LSAMP: variants seen among roughly 807,000 people sequenced by gnomAD.
LSAMP encodes limbic system-associated membrane protein.
A neutral mutation model predicts 38.6 loss-of-function variants in LSAMP; 7 were observed. The ratio of observed to expected loss-of-function variants is 0.18; its 90% CI spans 0.10 to 0.34. LSAMP has a LOEUF of 0.34. Among genes scored for constraint, LSAMP ranks in the 10% least tolerant of loss-of-function variants. LSAMP has a pLI of 1.00. For synonymous variants in LSAMP, 154 were observed against 166.8 expected (o/e 0.92, Z 0.59); for missense variants, 313 against 420.0 (o/e 0.75, Z 2.23).
At chr3:115,985,980 A>C (rs1166550301) in intron 3 of LSAMP, among the ~76,000 whole-genome samples, 3 of 152,166 alleles carry the variant, frequency 2.0e-5, no homozygotes, top group Non-Finnish European at 2.9e-5. Flanking sequence ...TTTGTTACCC[A>C]ACAATATATA....
At chr3:116,379,555 A>G (rs935680918) in intron 1 of LSAMP, among the ~76,000 whole-genome samples, 2 of 152,182 alleles carry the variant, frequency 1.3e-5, no homozygotes, top group South Asian at 4.1e-4. Context: ...GATCTGACCT[A>G]TATTTCTGGA....
intron 3 of LSAMP, among the ~76,000 whole-genome samples, chr3:116,004,024 A>G (rs1290412246): frequency 1.3e-5 from 2 of 152,192 alleles, no homozygotes; most frequent in African/African-American, 2.4e-5. Flanking sequence ...TTTGGCAAAC[A>G]TTACTGAGAA....
intron 1 of LSAMP, among the ~76,000 whole-genome samples, chr3:116,253,227 A>G (rs1410199143): frequency 1.1e-4 from 1 of 8,742 alleles, no homozygotes; most frequent in Non-Finnish European, 5.4e-4. Flanking sequence ...ATAAATACAG[A>G]AAAAAAAACC....
At chr3:116,081,930 G>A (rs1474333758) in intron 2 of LSAMP, among the ~76,000 whole-genome samples, 1 of 152,078 alleles carries the variant, frequency 6.6e-6, no homozygotes, top group Non-Finnish European at 1.5e-5. Flanking sequence ...ATAAAAATGG[G>A]AGCAAAAGAT....
chr3:116,124,978 A>T (rs565376199), intron 1 of LSAMP, among the ~76,000 whole-genome samples: 1 of 152,234 alleles, frequency 6.6e-6, no homozygotes, highest in African/African-American at 2.4e-5. Context: ...GAATGTCGAG[A>T]TCTTGGGTTT....
At chr3:116,162,620 T>C (rs897182044) in intron 1 of LSAMP, among the ~76,000 whole-genome samples, 2 of 151,620 alleles carry the variant, frequency 1.3e-5, no homozygotes, top group Non-Finnish European at 1.5e-5. Context: ...ATGTTTTATA[T>C]GTGCGTGTGA....
At chr3:116,166,234 C>T (rs781697766) in intron 1 of LSAMP, among the ~76,000 whole-genome samples, 13 of 152,208 alleles carry the variant, frequency 8.5e-5, no homozygotes, top group Non-Finnish European at 1.6e-4. Context: ...CTCACAACTG[C>T]TCTCTCTCTA....
chr3:116,054,795 C>T (rs1467556752), intron 2 of LSAMP, among the ~76,000 whole-genome samples: 1 of 152,136 alleles, frequency 6.6e-6, no homozygotes, highest in Non-Finnish European at 1.5e-5. Flanking sequence ...CTGACATTTA[C>T]AGTCACATTT....
chr3:116,120,263 G>A (rs2107486401), intron 1 of LSAMP, among the ~76,000 whole-genome samples: 1 of 152,318 alleles, frequency 6.6e-6, no homozygotes, highest in South Asian at 2.1e-4. Flanking sequence ...AATGATGGTG[G>A]TGGTGGGAGG....
chr3:116,293,423 G>GAAAC (rs1175704836), intron 1 of LSAMP, among the ~76,000 whole-genome samples: 1 of 152,020 alleles, frequency 6.6e-6, no homozygotes, highest in African/African-American at 2.4e-5. Context: ...TTAAAGGTGA[G>GAAAC]AAACAAAGTA....
At chr3:116,242,877 A>C (rs144557187) in intron 1 of LSAMP, among the ~76,000 whole-genome samples, 1 of 152,318 alleles carries the variant, frequency 6.6e-6, no homozygotes, top group African/African-American at 2.4e-5. Context: ...TCAAATATGG[A>C]TTAAAATATT....
Position 116,273,177 on chromosome 3 carries a change from G to C in LSAMP, c.155+171700C>G, listed in dbSNP as rs149099759. 1.1e-4 allele frequency among the ~76,000 whole-genome samples: 16 copies of C among 152,176 alleles called. No individual in the cohort carries two copies. The East Asian group carries it at 3.1e-3, about 30-fold the overall frequency. ...GACCTACTACACCAGCCAAACTGCT[G>C]TCCCTATCAATCCTATCTCCACCTC... On this transcript the variant is annotated intron_variant, in intron 1 of 6. Transcript: ENST00000490035.
At chr3:115,849,958 C>G (rs1416687224) in intron 4 of LSAMP, among the ~76,000 whole-genome samples, 2 of 152,140 alleles carry the variant, frequency 1.3e-5, no homozygotes, top group African/African-American at 4.8e-5. Flanking sequence ...TTATTCAATA[C>G]ACATTTACTG....
intron 3 of LSAMP, among the ~76,000 whole-genome samples, chr3:116,003,545 C>G (rs575949027): frequency 6.6e-6 from 1 of 152,196 alleles, no homozygotes; most frequent in South Asian, 2.1e-4. Context: ...AAGATATATA[C>G]AAGTCCTTAC....
chr3:116,445,394 T>G lies in LSAMP; in HGVS notation c.-363A>C. On this transcript the variant is annotated 5_prime_UTR_variant, in exon 1 of 7. Transcript: ENST00000490035. ...CTGCCAGTGTCTGAGCTGAGCTCCT[T>G]CGCTCTGTAACCCACTTTCCCAGGC... 3 of 450,968 alleles carry G rather than the reference T, an allele frequency of 6.7e-6. No individual in the cohort carries two copies. The highest frequency in any genetic ancestry group is 3.5e-5 in the East Asian group (1 of 28,706). The allele number at this position is 450,968 out of a possible 1,614,324, so 27.9% of individuals were successfully genotyped here.
chr3:116,314,380 A>T (rs1028268495), intron 1 of LSAMP, among the ~76,000 whole-genome samples: 1 of 152,370 alleles, frequency 6.6e-6, no homozygotes, highest in East Asian at 1.9e-4. Context: ...AAAGATTTCA[A>T]GAAACTCCTG....
intron 1 of LSAMP, among the ~76,000 whole-genome samples, chr3:116,171,179 A>G (rs1453288485): frequency 6.6e-6 from 1 of 152,188 alleles, no homozygotes; most frequent in East Asian, 1.9e-4. Flanking sequence ...TGATGATTAC[A>G]TGGGTTAATA....
At chr3:116,270,506 A>G (rs2046957174) in intron 1 of LSAMP, among the ~76,000 whole-genome samples, 1 of 152,164 alleles carries the variant, frequency 6.6e-6, no homozygotes, top group South Asian at 2.1e-4. Context: ...GTCTGAGGCC[A>G]TCAGCAGTAG....
At chr3:116,112,611 T>G (rs1338875450) in intron 1 of LSAMP, among the ~76,000 whole-genome samples, 2 of 152,198 alleles carry the variant, frequency 1.3e-5, no homozygotes, top group Non-Finnish European at 2.9e-5. Context: ...TTAAAGAATT[T>G]GGTAGCATAG....
Sources: allele counts gnomAD v4.1 joint callset (sites outside exome capture counted in the v4.1 genomes callset), GRCh38; gene constraint gnomAD v4.1.1; transcripts MANE v1.5; gene names NCBI Gene and HGNC (gene_info 2026-07-23, HGNC 2026-07-21).